The following ROBO1 variants were observed in gnomAD, a reference collection of about 807,000 sequenced individuals.
ROBO1 encodes roundabout homolog 1.
In ROBO1, 149 loss-of-function variants were observed where a neutral mutation model predicts 195.9. That is an observed-to-expected ratio of 0.76 (90% CI 0.67 to 0.87). ROBO1 has a LOEUF of 0.87. Among genes scored for constraint, ROBO1 ranks in the 40% least tolerant of loss-of-function variants. ROBO1 has a pLI of 0.00. For synonymous variants in ROBO1, 816 were observed against 733.2 expected (o/e 1.11, Z -1.82); for missense variants, 1,933 against 2,068.3 (o/e 0.93, Z 1.27).
intron 2 of ROBO1, among the ~76,000 whole-genome samples, chr3:79,369,016 A>AAC (rs2036083925): frequency 6.6e-6 from 1 of 152,246 alleles, no homozygotes. Context: ...CTTATTGTGC[A>AAC]TAACCAGTAC....
chr3:79,588,924 C>T (rs556554715), intron 2 of ROBO1, among the ~76,000 whole-genome samples: 2 of 151,710 alleles, frequency 1.3e-5, no homozygotes, highest in South Asian at 4.1e-4. Flanking sequence ...AAAATTGAAG[C>T]CCCAGGATTT....
chr3:78,870,247 CAT>C (rs2035467253), intron 4 of ROBO1, among the ~76,000 whole-genome samples: 1 of 152,148 alleles, frequency 6.6e-6, no homozygotes, highest in Non-Finnish European at 1.5e-5. Flanking sequence ...CAACCCCGTC[CAT>C]TTGCCTAAAA....
At chr3:79,656,697 C>T (rs1047227852) in intron 1 of ROBO1, among the ~76,000 whole-genome samples, 17 of 151,772 alleles carry the variant, frequency 1.1e-4, no homozygotes, top group East Asian at 5.9e-4. Context: ...GAGTTTGAGA[C>T]GAGCCTGGAC....
At chr3:79,259,101 C>CA (rs773129046) in intron 2 of ROBO1, among the ~76,000 whole-genome samples, 244 of 152,090 alleles carry the variant, frequency 1.6e-3, no homozygotes, top group Non-Finnish European at 2.7e-3. Context: ...TTCCCTCAAT[C>CA]ATTTAAATAA....
intron 2 of ROBO1, among the ~76,000 whole-genome samples, chr3:79,224,959 G>A (rs900998882): frequency 1.3e-5 from 2 of 152,090 alleles, no homozygotes; most frequent in Admixed American, 6.6e-5. Flanking sequence ...GGAGGAGGAC[G>A]GCAAGGGCTT....
At chr3:79,167,807 AT>A (rs2081095622) in intron 2 of ROBO1, among the ~76,000 whole-genome samples, 1 of 152,198 alleles carries the variant, frequency 6.6e-6, no homozygotes, top group Non-Finnish European at 1.5e-5. Flanking sequence ...GAGGTTTATT[AT>A]CTGCATGACT....
At chr3:79,118,943 A>G (rs1576697299) in intron 3 of ROBO1, among the ~76,000 whole-genome samples, 4 of 152,252 alleles carry the variant, frequency 2.6e-5, no homozygotes, top group Middle Eastern at 3.4e-3. Context: ...AAAATTTTCT[A>G]TCAAAATCAA....
chr3:78,686,032 C>T, intron 9 of ROBO1, 115 bp from the exon 10 acceptor site: 2 of 797,134 alleles, frequency 2.5e-6, no homozygotes, highest in Non-Finnish European at 2.0e-6. Flanking sequence ...TATTCATACA[C>T]ATATGCATAT....
chr3:79,730,669 A>G (rs901273840), intron 1 of ROBO1, among the ~76,000 whole-genome samples: 1 of 151,872 alleles, frequency 6.6e-6, no homozygotes, highest in African/African-American at 2.4e-5. Context: ...GATCTCTAAC[A>G]TCTGGCAGAA....
At chr3:79,578,169 G>A (rs1299409727) in intron 2 of ROBO1, among the ~76,000 whole-genome samples, 1 of 152,044 alleles carries the variant, frequency 6.6e-6, no homozygotes, top group Non-Finnish European at 1.5e-5. Flanking sequence ...GAAAGATATA[G>A]AGCAACAGGA....
intron 2 of ROBO1, among the ~76,000 whole-genome samples, chr3:79,294,507 T>C (rs899529519): frequency 4.0e-5 from 6 of 151,880 alleles, no homozygotes; most frequent in East Asian, 1.9e-4. Context: ...TAGAAGAAAA[T>C]CTAGGCAGTA....
intron 14 of ROBO1, among the ~76,000 whole-genome samples, chr3:78,664,813 GC>G (rs1322793520): frequency 1.3e-5 from 2 of 152,098 alleles, no homozygotes. Context: ...TGCTGTGTTT[GC>G]CTTCTGGTCC....
chr3:79,668,633 G>T (rs867429807), intron 1 of ROBO1, among the ~76,000 whole-genome samples: 1 of 151,346 alleles, frequency 6.6e-6, no homozygotes, highest in Non-Finnish European at 1.5e-5. Flanking sequence ...AATAAACATA[G>T]AAATAAGCAA....
At chr3:78,691,288 G>C (rs1438353665) in intron 8 of ROBO1, among the ~76,000 whole-genome samples, 1 of 151,774 alleles carries the variant, frequency 6.6e-6, no homozygotes, top group Admixed American at 6.6e-5. Context: ...TTTTTTGAAA[G>C]CTACAATTTT....
chr3:79,298,072 C>T (rs2032689056), intron 2 of ROBO1, among the ~76,000 whole-genome samples: 1 of 151,860 alleles, frequency 6.6e-6, no homozygotes, highest in Non-Finnish European at 1.5e-5. Context: ...ATACTATTCT[C>T]AAAGTGATAA....
At chr3:79,022,094 T>G (rs2078114845) in intron 3 of ROBO1, among the ~76,000 whole-genome samples, 1 of 152,180 alleles carries the variant, frequency 6.6e-6, no homozygotes, top group Non-Finnish European at 1.5e-5. Context: ...TCATCCAAAG[T>G]GTATCTATTT....
chr3:79,621,686 A>G (rs537253441), intron 1 of ROBO1, among the ~76,000 whole-genome samples: 1 of 152,322 alleles, frequency 6.6e-6, no homozygotes, highest in East Asian at 1.9e-4. Flanking sequence ...AGTGAAGAAG[A>G]AATAGTCTTT....
At chr3:79,392,556 G>T (rs1575765038) in intron 2 of ROBO1, among the ~76,000 whole-genome samples, 1 of 152,176 alleles carries the variant, frequency 6.6e-6, no homozygotes, top group East Asian at 1.9e-4. Flanking sequence ...AACGCAGGTG[G>T]CATTATTCTA....
chr3:79,342,143 G>A (rs2034932765), intron 2 of ROBO1, among the ~76,000 whole-genome samples: 1 of 152,158 alleles, frequency 6.6e-6, no homozygotes, highest in East Asian at 1.9e-4. Context: ...TAAAATTAGA[G>A]AGGTACAAAA....
Sources: gnomAD v4.1 joint callset for allele counts (sites outside exome capture counted in the v4.1 genomes callset) on GRCh38, gnomAD v4.1.1 for gene constraint, MANE v1.5 for transcripts, NCBI Gene and HGNC (gene_info 2026-07-23, HGNC 2026-07-21) for gene names.